SHTN1: variants seen among roughly 807,000 people sequenced by gnomAD.
SHTN1 encodes the protein shootin 1, also known as shootin-1.
SHTN1 carries 42 observed loss-of-function variants against 83.1 expected under a neutral mutation model. That is an observed-to-expected ratio of 0.51 (90% CI 0.39 to 0.65). The LOEUF (loss-of-function observed/expected upper bound fraction) is 0.65, where lower values mean the gene tolerates loss of function less well. Among genes scored for constraint, SHTN1 ranks in the 30% least tolerant of loss-of-function variants. SHTN1 has a pLI of 0.00. For missense variants in SHTN1, 622 were observed against 737.8 expected (o/e 0.84, Z 1.82); for synonymous variants, 224 against 247.7 (o/e 0.90, Z 0.90).
chr10:117,112,470 G>A (rs1217563963), intron 1 of SHTN1, among the ~76,000 whole-genome samples: 2 of 152,182 alleles, frequency 1.3e-5, no homozygotes, highest in Non-Finnish European at 2.9e-5. Context: ...ATACTGGAAT[G>A]TTATTAAGAC....
chr10:117,088,389 T>C (rs1275769032), intron 1 of SHTN1, among the ~76,000 whole-genome samples: 3 of 152,222 alleles, frequency 2.0e-5, no homozygotes, highest in African/African-American at 7.2e-5. Flanking sequence ...GTAGAGTTGA[T>C]TCACGTAAAA....
intron 1 of SHTN1, among the ~76,000 whole-genome samples, chr10:116,997,687 A>G (rs1386519045): frequency 1.3e-5 from 2 of 152,202 alleles, no homozygotes; most frequent in African/African-American, 4.8e-5. Context: ...GGCCTTGATC[A>G]TCTAGCTGAC....
intron 9 of SHTN1, among the ~76,000 whole-genome samples, chr10:116,938,623 C>T (rs1392167780): frequency 6.6e-6 from 1 of 152,198 alleles, no homozygotes; most frequent in Non-Finnish European, 1.5e-5. Flanking sequence ...GAGGTGTCTC[C>T]CAGTCAGGAG....
At chr10:116,953,974 G>T in intron 5 of SHTN1, 68 bp downstream of exon 5, 2 of 1,287,912 alleles carry the variant, frequency 1.6e-6, no homozygotes, top group Admixed American at 4.4e-5. Flanking sequence ...CTGATGTGCA[G>T]TCAGGGTTCA....
chr10:116,954,986 A>G (rs574219522), intron 4 of SHTN1, among the ~76,000 whole-genome samples: 1 of 151,192 alleles, frequency 6.6e-6, no homozygotes, highest in East Asian at 2.0e-4. Flanking sequence ...TGTCTCAGAG[A>G]TTCTATGGAA....
At chr10:117,086,141 A>G (rs1322623441) in intron 1 of SHTN1, among the ~76,000 whole-genome samples, 1 of 152,066 alleles carries the variant, frequency 6.6e-6, no homozygotes, top group African/African-American at 2.4e-5. Context: ...GATGGTCTGT[A>G]TCTCCTGACC....
rs374425646 is a variant in SHTN1 at position 116,881,477 on chromosome 10, T to C, written c.*4867A>G. ...ATGTAGTATATAAAAACTGGCACCA[T>C]TGGATTAGACAGTAAACTTTATTGT... On this transcript the variant is annotated 3_prime_UTR_variant, in exon 17 of 17. Coordinates refer to ENST00000355371, the MANE Select transcript of SHTN1 (RefSeq NM_001127211.3). 121 of 1,459,342 alleles carry C rather than the reference T, an allele frequency of 8.3e-5. No homozygotes were observed. The highest frequency in any genetic ancestry group is 4.3e-4 in the East Asian group (17 of 39,888). The allele number at this position is 1,459,342 out of a possible 1,614,324, so 90.4% of individuals were successfully genotyped here.
intron 11 of SHTN1, among the ~76,000 whole-genome samples, chr10:116,925,214 T>G (rs1480732953): frequency 6.6e-6 from 1 of 152,190 alleles, no homozygotes; most frequent in Admixed American, 6.5e-5. Flanking sequence ...TTTCAATCAG[T>G]AGACTGAGTA....
chr10:117,073,575 C>A (rs1298129779), intron 1 of SHTN1, among the ~76,000 whole-genome samples: 1 of 152,082 alleles, frequency 6.6e-6, no homozygotes, highest in East Asian at 1.9e-4. Context: ...AAAAGCAGTG[C>A]CACTTTTGCA....
At chr10:117,023,186 C>T (rs1014640867) in intron 2 of SHTN1, among the ~76,000 whole-genome samples, 5 of 152,126 alleles carry the variant, frequency 3.3e-5, no homozygotes, top group Admixed American at 3.3e-4. Context: ...TTCAAAGGAC[C>T]ACTTTTAGGC....
In SHTN1 at chr10:116,949,016, GA is replaced by G. The variant is rs1192023524; in HGVS notation, c.535-20del. On this transcript the variant is annotated intron_variant, in intron 6 of 16. Coordinates refer to ENST00000355371, the MANE Select transcript of SHTN1 (RefSeq NM_001127211.3). ...TATTTACCTAAAAATGTGAAATTTT[GA>G]GGGGAGAAAACACCAAAAATTGTAA... 4 of 1,519,634 alleles carry G rather than the reference GA, an allele frequency of 2.6e-6. No individual in the cohort carries two copies. The highest frequency in any genetic ancestry group is 3.5e-6 in the Non-Finnish European group (4 of 1,133,800). The allele number at this position is 1,519,634 out of a possible 1,614,324, so 94.1% of individuals were successfully genotyped here.
At chr10:117,087,825 A>G (rs1167915732) in intron 1 of SHTN1, among the ~76,000 whole-genome samples, 1 of 152,230 alleles carries the variant, frequency 6.6e-6, no homozygotes, top group East Asian at 1.9e-4. Context: ...CATCCTAAAT[A>G]TACAAAAACT....
intron 2 of SHTN1, among the ~76,000 whole-genome samples, chr10:117,040,004 A>G (rs1287543301): frequency 6.6e-6 from 1 of 152,198 alleles, no homozygotes; most frequent in Non-Finnish European, 1.5e-5. Context: ...GGGCCTTCAT[A>G]GTAAAAATTG....
intron 1 of SHTN1, among the ~76,000 whole-genome samples, chr10:117,069,538 G>A (rs557588529): frequency 2.6e-5 from 4 of 152,256 alleles, no homozygotes; most frequent in South Asian, 4.1e-4. Flanking sequence ...AACTTGTGTA[G>A]GTCACATTTA....
At chr10:116,943,413 C>T (rs1589828716) in intron 8 of SHTN1, among the ~76,000 whole-genome samples, 2 of 152,254 alleles carry the variant, frequency 1.3e-5, no homozygotes, top group South Asian at 2.1e-4. Context: ...CAAAATCAGC[C>T]GACCTTTCCA....
At chr10:117,111,490 C>T (rs1853767999) in intron 1 of SHTN1, among the ~76,000 whole-genome samples, 2 of 151,834 alleles carry the variant, frequency 1.3e-5, no homozygotes, top group Admixed American at 6.6e-5. Context: ...GACGGGGTTT[C>T]ACCACGTTGG....
intron 11 of SHTN1, among the ~76,000 whole-genome samples, chr10:116,924,536 T>C (rs908486827): frequency 6.6e-6 from 1 of 152,004 alleles, no homozygotes; most frequent in African/African-American, 2.4e-5. Context: ...AGGAAAATCA[T>C]TGCAATATTA....
intron 1 of SHTN1, among the ~76,000 whole-genome samples, chr10:116,991,317 T>C (rs946826988): frequency 6.6e-6 from 1 of 152,250 alleles, no homozygotes; most frequent in African/African-American, 2.4e-5. Flanking sequence ...TCTATCTGTG[T>C]TGCCATAAAT....
chr10:117,072,491 T>C (rs1269587988), intron 1 of SHTN1, among the ~76,000 whole-genome samples: 2 of 152,170 alleles, frequency 1.3e-5, no homozygotes, highest in Non-Finnish European at 2.9e-5. Flanking sequence ...CCAAATACTG[T>C]GCTGGTATCC....
Sources: gnomAD v4.1 joint callset for allele counts (sites outside exome capture counted in the v4.1 genomes callset) on GRCh38, gnomAD v4.1.1 for gene constraint, MANE v1.5 for transcripts, NCBI Gene and HGNC (gene_info 2026-07-23, HGNC 2026-07-21) for gene names.